The following SLC26A9 variants were observed in gnomAD, a reference collection of about 807,000 sequenced individuals.
The protein encoded by SLC26A9 is solute carrier family 26 member 9.
SLC26A9 carries 46 observed loss-of-function variants against 87.1 expected under a neutral mutation model. The observed-to-expected ratio is 0.53, with a 90% CI of 0.42 to 0.67. The LOEUF (loss-of-function observed/expected upper bound fraction) is 0.67. Ranked by LOEUF, SLC26A9 falls within the 30% of genes least tolerant of loss-of-function variation. The pLI, the probability that SLC26A9 is intolerant of heterozygous loss-of-function variation, is 0.00. For synonymous variants in SLC26A9, 437 were observed against 409.1 expected (o/e 1.07, Z -0.82); for missense variants, 927 against 1,018.3 (o/e 0.91, Z 1.22).
chr1:205,922,330 C>T (rs997601728), intron 16 of SLC26A9, among the ~76,000 whole-genome samples: 7 of 152,142 alleles, frequency 4.6e-5, no homozygotes, highest in South Asian at 2.1e-4. Flanking sequence ...GTAGAGACAG[C>T]GTTTCGCCAC....
In SLC26A9 at chr1:205,914,745, G is replaced by T; in HGVS notation, c.*612C>A. ...GCTGACAGCAGTGGTGGTTTGGGCAGCCTTGGGGATGATGGAGGGGGGGCG... is the reference window on the plus strand; with the variant it reads ...GCTGACAGCAGTGGTGGTTTGGGCATCCTTGGGGATGATGGAGGGGGGGCG... On this transcript the variant is annotated 3_prime_UTR_variant, in exon 21 of 21. Coordinates refer to ENST00000367135, the MANE Select transcript of SLC26A9 (RefSeq NM_052934.4). 1 of 1,023,902 alleles carries T rather than the reference G, an allele frequency of 9.8e-7. No individual in the cohort carries two copies. The highest frequency in any genetic ancestry group is 1.4e-6 in the Non-Finnish European group (1 of 706,412). The allele number at this position is 1,023,902 out of a possible 1,614,324, so 63.4% of individuals were successfully genotyped here.
At chr1:205,935,949 GC>G in intron 1 of SLC26A9, 111 bp from the exon 2 acceptor site, 1 of 1,298,350 alleles carries the variant, frequency 7.7e-7, no homozygotes. Context: ...GGCCTTCCCC[GC>G]CCCGATAAAG....
At chr1:205,928,259 A>T in intron 8 of SLC26A9, 2 of 638,358 alleles carry the variant, frequency 3.1e-6, no homozygotes, top group Non-Finnish European at 5.2e-6. Flanking sequence ...AGGCTGAGAG[A>T]ACCTAACTTG....
At chr1:205,917,519 C>G (rs41264907) in intron 19 of SLC26A9, among the ~76,000 whole-genome samples, 165 bp from the exon 20 acceptor site, 4 of 152,144 alleles carry the variant, frequency 2.6e-5, no homozygotes, top group South Asian at 2.1e-4. Flanking sequence ...AAAAACAGCA[C>G]GGCTGTGGTC....
rs752319501 is a variant in SLC26A9, at chr1:205,923,520, A to C, written c.1566+24T>G. On this transcript the variant is annotated intron_variant, in intron 14 of 20. Coordinates refer to ENST00000367135, the MANE Select transcript of SLC26A9 (RefSeq NM_052934.4). The stretch of plus-strand genomic sequence containing the variant: ...TGGGGTGGTGCAGAGCAAAAGAAGG[A>C]GGTCATAAGCTTGAATTACCTACCC... 7 of 1,614,040 alleles carry C rather than the reference A, an allele frequency of 4.3e-6. No homozygotes were observed. In the African/African-American group the frequency reaches 9.3e-5, roughly 22 times the overall value.
intron 17 of SLC26A9, among the ~76,000 whole-genome samples, chr1:205,920,864 G>A (rs998715597): frequency 6.6e-6 from 1 of 152,190 alleles, no homozygotes; most frequent in African/African-American, 2.4e-5. Flanking sequence ...CTGCAGGGGA[G>A]GATGGAGGCT....
In SLC26A9 at chr1:205,927,571, C is replaced by A. The variant is rs755675711; in HGVS notation, c.1136G>T (p.Gly379Val). 6.2e-7 allele frequency: 1 copy of A among 1,613,948 alleles called. No homozygotes were observed. The highest frequency in any genetic ancestry group is 8.5e-7 in the Non-Finnish European group (1 of 1,179,986). The change falls in exon 10 of 21, where the codon GGC becomes GTC. Residue 379 changes from glycine to valine, a missense_variant. Gly to Val is a moderately radical substitution (Grantham distance 109). Transcript: ENST00000367135. ...MIALGCSNFF[G>V]SFFKIHVICC... Reference sequence around the variant, plus strand: ...AATGACATGAATTTTAAAGAAGGAGCCAAAGAAGTTGCTGCAGCCGAGAGC... The same window carrying A: ...AATGACATGAATTTTAAAGAAGGAGACAAAGAAGTTGCTGCAGCCGAGAGC...
chr1:205,915,576 C>T (rs1281863579), intron 20 of SLC26A9, among the ~76,000 whole-genome samples, 172 bp from the exon 21 acceptor site: 1 of 150,898 alleles, frequency 6.6e-6, no homozygotes, highest in Admixed American at 6.6e-5. Context: ...AGGGGAGAGG[C>T]AGGGTCAGCC....
At chr1:205,919,635 G>T (rs117401400) in intron 18 of SLC26A9, among the ~76,000 whole-genome samples, 1 of 152,116 alleles carries the variant, frequency 6.6e-6, no homozygotes, top group African/African-American at 2.4e-5. Context: ...TGCACTTTGC[G>T]TACATGCTAG....
chr1:205,927,458 C>G (rs1659122074), intron 10 of SLC26A9, 34 bp downstream of exon 10: 6 of 1,602,688 alleles, frequency 3.7e-6, no homozygotes, highest in Admixed American at 1.7e-5. Flanking sequence ...GTTCTCTTAC[C>G]ACCTCCCCCC....
chr1:205,925,765 C>A (rs1388973694), intron 12 of SLC26A9, among the ~76,000 whole-genome samples: 1 of 152,154 alleles, frequency 6.6e-6, no homozygotes, highest in Non-Finnish European at 1.5e-5. Context: ...CCATTCTGAG[C>A]CTTGGTTTCA....
intron 5 of SLC26A9, among the ~76,000 whole-genome samples, chr1:205,930,652 G>A (rs1208877369): frequency 3.9e-5 from 6 of 152,160 alleles, no homozygotes; most frequent in Non-Finnish European, 8.8e-5. Context: ...CTCATTGTCT[G>A]GCTCCTGCCT....
intron 16 of SLC26A9, among the ~76,000 whole-genome samples, chr1:205,922,128 C>T (rs548200180): frequency 3.9e-5 from 6 of 152,270 alleles, no homozygotes; most frequent in East Asian, 1.9e-4. Context: ...AAAGCCCCTC[C>T]GGGGACACTG....
chr1:205,920,935 G>A (rs928589093), intron 17 of SLC26A9, among the ~76,000 whole-genome samples: 2 of 152,258 alleles, frequency 1.3e-5, no homozygotes, highest in Admixed American at 6.5e-5. Flanking sequence ...TAAGGAAGCC[G>A]GCTGAGGCCC....
At chr1:205,923,688 G>A (rs1658943213) in intron 13 of SLC26A9, 75 bp from the exon 14 acceptor site, 1 of 1,575,206 alleles carries the variant, frequency 6.3e-7, no homozygotes, top group Non-Finnish European at 8.7e-7. Flanking sequence ...CCCTGCTGGG[G>A]CGGGGGCAGA....
At chr1:205,920,452 G>A (rs531788178) in intron 17 of SLC26A9, among the ~76,000 whole-genome samples, 4 of 152,320 alleles carry the variant, frequency 2.6e-5, no homozygotes, top group African/African-American at 9.6e-5. Context: ...TTTTGCCAAC[G>A]TGGCGGGCAC....
At chr1:205,915,452 C>A in intron 20 of SLC26A9, 48 bp from the exon 21 acceptor site, 1 of 1,612,838 alleles carries the variant, frequency 6.2e-7, no homozygotes, top group African/African-American at 1.3e-5. Context: ...AGAGGTTAGA[C>A]CAGTTGGGGT....
At chr1:205,920,921 T>C (rs1229470459) in intron 17 of SLC26A9, among the ~76,000 whole-genome samples, 1 of 152,258 alleles carries the variant, frequency 6.6e-6, no homozygotes, top group African/African-American at 2.4e-5. Context: ...CTCCAGATCC[T>C]GGCTAAGGAA....
intron 8 of SLC26A9, 125 bp from the exon 9 acceptor site, chr1:205,928,174 C>T (rs970208423): frequency 2.6e-6 from 3 of 1,160,778 alleles, no homozygotes; most frequent in Non-Finnish European, 3.6e-6. Context: ...CCTAAGTTAT[C>T]CCATCCAGTC....
Sources: gnomAD v4.1 joint callset for allele counts (sites outside exome capture counted in the v4.1 genomes callset) on GRCh38, gnomAD v4.1.1 for gene constraint, MANE v1.5 for transcripts, NCBI Gene and HGNC (gene_info 2026-07-23, HGNC 2026-07-21) for gene names.